The following TMEM218 variants were observed in gnomAD, a reference collection of about 807,000 sequenced individuals.
TMEM218 encodes the protein transmembrane protein 218.
A neutral mutation model predicts 10.0 loss-of-function variants in TMEM218; 8 were observed. That is an observed-to-expected ratio of 0.80 (90% CI 0.47 to 1.44). The LOEUF (loss-of-function observed/expected upper bound fraction) is 1.44, where lower values mean the gene tolerates loss of function less well. Among genes scored for constraint, TMEM218 ranks in the 40% most tolerant of loss-of-function variants. TMEM218 has a pLI of 0.00. For synonymous variants in TMEM218, 66 were observed against 63.5 expected (o/e 1.04, Z -0.18); for missense variants, 110 against 140.1 (o/e 0.79, Z 1.08).
intron 1 of TMEM218, among the ~76,000 whole-genome samples, chr11:125,106,274 AATAAAAT>A (rs1952119668): frequency 6.6e-6 from 1 of 152,224 alleles, no homozygotes; most frequent in South Asian, 2.1e-4. Context: ...AGTGAAACAA[AATAAAAT>A]ATAAGCTATG....
rs376890820 is a variant in TMEM218 at position 125,097,589 on chromosome 11, G to A, written c.*17C>T. On this transcript the variant is annotated 3_prime_UTR_variant, in exon 5 of 5. Coordinates refer to ENST00000682305, the MANE Select transcript of TMEM218 (RefSeq NM_001258244.2). Reference sequence around the variant, plus strand: ...ACAATGAAGGAGAGAACAGGTTTTCGTTTTCCTGAAGAGTGGTCAGTAGGA... The same window carrying A: ...ACAATGAAGGAGAGAACAGGTTTTCATTTTCCTGAAGAGTGGTCAGTAGGA... The A allele has an allele frequency of 2.9e-5, 46 of 1,611,496 alleles. No homozygotes were observed. The highest frequency in any genetic ancestry group is 9.9e-5 in the South Asian group (9 of 90,630).
Position 125,096,431 on chromosome 11 carries a change from G to C in TMEM218, c.*1175C>G, listed in dbSNP as rs1215211589. On this transcript the variant is annotated 3_prime_UTR_variant, in exon 5 of 5. Coordinates refer to ENST00000682305, the MANE Select transcript of TMEM218 (RefSeq NM_001258244.2). ...CAAGCCCTGGGGCCTACCACACCTG[G>C]GTTTGCACACTGGCTGTTAGGTGAA... The C allele has an allele frequency of 2.0e-5, 3 of 152,136 alleles. No homozygotes were observed. Among genetic ancestry groups the C allele is most frequent in the Non-Finnish European group, 4.4e-5 (3 of 68,030 alleles). The allele number at this position is 152,136 out of a possible 1,614,324, so 9.4% of individuals were successfully genotyped here.
chr11:125,105,600 C>T (rs756161624), intron 1 of TMEM218, among the ~76,000 whole-genome samples: 71 of 152,086 alleles, frequency 4.7e-4, no homozygotes, highest in South Asian at 1.7e-3. Flanking sequence ...TATTACTCAA[C>T]AGTTATATGG....
intron 1 of TMEM218, among the ~76,000 whole-genome samples, chr11:125,109,201 G>GAGTGTCAAAAACAATGTT (rs1335421348): frequency 3.9e-5 from 6 of 152,250 alleles, no homozygotes; most frequent in African/African-American, 1.4e-4. Context: ...AAACAATGTT[G>GAGTGTCAAAAACAATGTT]AGTGACAAAA....
chr11:125,106,033 T>C (rs1342883932), intron 1 of TMEM218, among the ~76,000 whole-genome samples: 2 of 151,734 alleles, frequency 1.3e-5, no homozygotes, highest in Non-Finnish European at 2.9e-5. Context: ...GAGAAAGACA[T>C]GCAAAGCAAA....
At chr11:125,103,898 G>T (rs1266899735) in intron 1 of TMEM218, 1 of 150,958 alleles carries the variant, frequency 6.6e-6, no homozygotes, top group African/African-American at 2.4e-5. Context: ...GGAAAGGAGG[G>T]TCTAAGCATG....
In TMEM218 at chr11:125,102,770, G is replaced by A. The variant is rs941453731; in HGVS notation, c.-113C>T. 4.9e-6 allele frequency: 6 copies of A among 1,234,980 alleles called. No individual in the cohort carries two copies. The Admixed American group carries it at 1.2e-4, about 25-fold the overall frequency. The allele number at this position is 1,234,980 out of a possible 1,614,324, so 76.5% of individuals were successfully genotyped here. ...TCACAAGACAGAAAGTTCCCACTCT[G>A]TTGTCGAGTTCTTATTCAAGAGGAT... On this transcript the variant is annotated 5_prime_UTR_variant, in exon 2 of 5. Transcript: ENST00000682305.
At chr11:125,109,871 T>C (rs1319671370) in intron 1 of TMEM218, among the ~76,000 whole-genome samples, 2 of 152,262 alleles carry the variant, frequency 1.3e-5, no homozygotes, top group Non-Finnish European at 2.9e-5. Flanking sequence ...AAATGGTAGT[T>C]GAAGCTGGCT....
chr11:125,098,360 C>T (rs1351261472), intron 4 of TMEM218, among the ~76,000 whole-genome samples: 5 of 152,198 alleles, frequency 3.3e-5, no homozygotes, highest in Non-Finnish European at 5.9e-5. Context: ...CCTGGCCTTA[C>T]ACTTGAGGCC....
Position 125,108,996 on chromosome 11 carries a change from A to T in TMEM218, c.-153+2543T>A, listed in dbSNP as rs1268894743. On this transcript the variant is annotated intron_variant, in intron 1 of 4. Transcript: ENST00000682305. The surrounding 1 kb of genome is among the most constrained non-coding windows in gnomAD (Gnocchi z 5.3). ...ACGGGCAGCAACATCTTCTTGGGGA[A>T]CCACTGTTCTAGACACAGTCTTGCA... is the stretch of plus-strand genomic sequence containing the variant. Among the ~76,000 whole-genome samples, 2 of 152,330 alleles carry T rather than the reference A, an allele frequency of 1.3e-5. No homozygotes were observed. The highest frequency in any genetic ancestry group is 3.4e-3 in the Middle Eastern group (1 of 294).
At position 125,102,326 on chromosome 11, in the gene TMEM218, A is replaced by G. The variant is rs762427275; in HGVS notation, c.-76-9T>C. ...TGCTCCAGTGCAACACACTCCCGTGAAAGCATTCAGACAAATACAGAAAGC... is the reference window on the plus strand; with the variant it reads ...TGCTCCAGTGCAACACACTCCCGTGGAAGCATTCAGACAAATACAGAAAGC... On this transcript the variant is annotated splice_polypyrimidine_tract_variant and intron_variant, in intron 2 of 4. Transcript: ENST00000682305. 3.6e-5 allele frequency: 56 copies of G among 1,554,950 alleles called. No homozygotes were observed. The South Asian group carries it at 5.2e-4, about 14-fold the overall frequency.
chr11:125,100,089 T>C (rs1196972815), intron 4 of TMEM218, among the ~76,000 whole-genome samples: 2 of 152,226 alleles, frequency 1.3e-5, no homozygotes, highest in East Asian at 3.8e-4. Flanking sequence ...TGGAGTTTAA[T>C]TTCCTTCCTC....
intron 1 of TMEM218, chr11:125,110,682 G>A (rs1953635147): frequency 6.6e-6 from 1 of 152,202 alleles, no homozygotes; most frequent in Admixed American, 6.5e-5. Context: ...GGGTAATGTG[G>A]CCTAAGTGCT....
At chr11:125,102,410 A>C in intron 2 of TMEM218, 93 bp from the exon 3 acceptor site, 1 of 1,501,038 alleles carries the variant, frequency 6.7e-7, no homozygotes, top group Non-Finnish European at 8.8e-7. Context: ...TACTCAGTAC[A>C]GGTCATTAAT....
chr11:125,096,241 C>A lies in TMEM218; in HGVS notation c.*1365G>T, dbSNP rs1473489016. Among the ~76,000 whole-genome samples the A allele has an allele frequency of 6.6e-6, 1 of 151,876 alleles. No individual in the cohort carries two copies. Among genetic ancestry groups the A allele is most frequent in the East Asian group, 1.9e-4 (1 of 5,198 alleles). ...GACTCTCAGTGGTTACCTGTTCTCT[C>A]TTCTTGGAATTTAGAGCTTAGTTGC... On this transcript the variant is annotated 3_prime_UTR_variant, in exon 5 of 5. Coordinates refer to ENST00000682305, the MANE Select transcript of TMEM218 (RefSeq NM_001258244.2).
chr11:125,097,803 G>A (rs1301004852), intron 4 of TMEM218, 63 bp from the exon 5 acceptor site: 7 of 1,529,488 alleles, frequency 4.6e-6, no homozygotes, highest in Non-Finnish European at 4.5e-6. Context: ...GGGTTAACCT[G>A]AACTCCATGA....
At chr11:125,105,708 CAT>C (rs1370291171) in intron 1 of TMEM218, among the ~76,000 whole-genome samples, 1 of 150,628 alleles carries the variant, frequency 6.6e-6, no homozygotes, top group Non-Finnish European at 1.5e-5. Flanking sequence ...GTTAAAAAAA[CAT>C]ACAGGTAAAC....
rs1954039845 is a variant in TMEM218, at chr11:125,111,563, C to T, written c.-177G>A. ...CCTCTGCCCCCTTCACCTGGATCCACTCTCCCCCAGGCTCTACTCACACCT... is the reference window on the plus strand; with the variant it reads ...CCTCTGCCCCCTTCACCTGGATCCATTCTCCCCCAGGCTCTACTCACACCT... On this transcript the variant is annotated 5_prime_UTR_variant, in exon 1 of 5. The change creates a new upstream start codon in the 5' untranslated region. Transcript: ENST00000682305. The T allele has an allele frequency of 6.6e-6, 1 of 152,598 alleles. No individual in the cohort carries two copies. Among genetic ancestry groups the T allele is most frequent in the Non-Finnish European group, 1.5e-5 (1 of 68,336 alleles). 9.5% of individuals were successfully genotyped at this position (152,598 alleles called of 1,614,324 possible). A position where few individuals can be genotyped will look rare whatever the true frequency, so the allele number is the denominator to read the frequency against.
At chr11:125,099,533 T>C (rs1342613881) in intron 4 of TMEM218, among the ~76,000 whole-genome samples, 1 of 152,176 alleles carries the variant, frequency 6.6e-6, no homozygotes, top group Non-Finnish European at 1.5e-5. Context: ...AATCGAGGGA[T>C]TGATTTCAAA....
Sources: allele counts gnomAD v4.1 joint callset (sites outside exome capture counted in the v4.1 genomes callset), GRCh38; gene constraint gnomAD v4.1.1; non-coding constraint Gnocchi (gnomAD v3.1); transcripts MANE v1.5; gene names NCBI Gene and HGNC (gene_info 2026-07-23, HGNC 2026-07-21).